The following ACACB variants were observed in gnomAD, a reference collection of about 807,000 sequenced individuals.
The protein encoded by ACACB is acetyl-CoA carboxylase beta, also known as acetyl-CoA carboxylase 2.
Under a neutral mutation model 278.8 loss-of-function variants are expected in ACACB, and 209 were observed. That is an observed-to-expected ratio of 0.75 (90% CI 0.67 to 0.84). The LOEUF (loss-of-function observed/expected upper bound fraction) is 0.84, where lower values mean the gene tolerates loss of function less well. ACACB is among the 40% of genes least tolerant of loss of function. The pLI is 0.00. For synonymous variants in ACACB, 1,174 were observed against 1,285.6 expected (o/e 0.91, Z 1.86); for missense variants, 2,850 against 3,269.0 (o/e 0.87, Z 3.13).
At chr12:109,254,070 A>G (rs2047162894) in intron 43 of ACACB, 144 bp from the exon 44 acceptor site, 3 of 953,474 alleles carry the variant, frequency 3.1e-6, no homozygotes, top group South Asian at 1.5e-5. Flanking sequence ...GCATTTTCCA[A>G]TCAGAGCAGT....
intron 19 of ACACB, 69 bp from the exon 20 acceptor site, chr12:109,206,641 C>T (rs1173177985): frequency 5.7e-6 from 9 of 1,575,666 alleles, no homozygotes; most frequent in Middle Eastern, 2.2e-4. Context: ...TCCTGCCTCC[C>T]GTTCTGCCCG....
chr12:109,152,728 T>C (rs1436402364), intron 2 of ACACB, among the ~76,000 whole-genome samples: 1 of 134,378 alleles, frequency 7.4e-6, no homozygotes, highest in Non-Finnish European at 1.6e-5. Flanking sequence ...CACTGCAGCC[T>C]CAGCTACCTG....
rs1483480877 is a variant in ACACB, at chr12:109,172,011, A to G, written c.1035+97A>G. 4 of 1,007,632 alleles carry G rather than the reference A, an allele frequency of 4.0e-6. No homozygotes were observed. In the East Asian group the frequency reaches 1.0e-4, roughly 25 times the overall value. 62.4% of individuals were successfully genotyped at this position (1,007,632 alleles called of 1,614,324 possible). A position where few individuals can be genotyped will look rare whatever the true frequency, so the allele number is the denominator to read the frequency against. Reference sequence around the variant, plus strand: ...ACAGTTCACAAGGGGTGGAGGGTCCAGATCCCACAAGGCTCCAAATTCCTG... The same window carrying G: ...ACAGTTCACAAGGGGTGGAGGGTCCGGATCCCACAAGGCTCCAAATTCCTG... On this transcript the variant is annotated intron_variant, in intron 5 of 52. Coordinates refer to ENST00000338432, the MANE Select transcript of ACACB (RefSeq NM_001093.4).
rs762602617 is a variant in ACACB, at chr12:109,235,297, T to C, written c.4348-16T>C. 5.0e-6 allele frequency: 8 copies of C among 1,612,292 alleles called. No homozygotes were observed. The East Asian group carries it at 8.9e-5, about 18-fold the overall frequency. On this transcript the variant is annotated splice_polypyrimidine_tract_variant and intron_variant, in intron 31 of 52. Transcript: ENST00000338432. ...GGCCAAATAATATTCCATTGTGTCT[T>C]TGGTTTTTAATGCAGAAAAATATCC...
chr12:109,197,811 G>A (rs2136315108), intron 17 of ACACB, among the ~76,000 whole-genome samples: 1 of 152,314 alleles, frequency 6.6e-6, no homozygotes, highest in East Asian at 1.9e-4. Flanking sequence ...AAAAGCTCCA[G>A]TTAGAGAGTG....
chr12:109,152,756 C>T (rs781369845), intron 2 of ACACB, among the ~76,000 whole-genome samples: 1 of 150,366 alleles, frequency 6.7e-6, no homozygotes, highest in Non-Finnish European at 1.5e-5. Context: ...GTAATCTTCC[C>T]GCCTCAGCCT....
At chr12:109,183,069 C>T (rs980676543) in intron 11 of ACACB, among the ~76,000 whole-genome samples, 3 of 152,178 alleles carry the variant, frequency 2.0e-5, no homozygotes, top group Non-Finnish European at 4.4e-5. Flanking sequence ...CTTCGCAAGT[C>T]TGTCAAAAAT....
At position 109,266,647 on chromosome 12, in the gene ACACB, C is replaced by T. The variant is rs1370566683; in HGVS notation, c.*285C>T. The T allele has an allele frequency of 8.8e-6, 2 of 228,328 alleles. No individual in the cohort carries two copies. The highest frequency in any genetic ancestry group is 4.5e-5 in the African/African-American group (2 of 44,164). The allele number at this position is 228,328 out of a possible 1,614,324, so 14.1% of individuals were successfully genotyped here. ...CTAAATCTAATCAAGCTAAAACATC[C>T]CTGTTTCCTTTTGCAAAACAGTGCC... is the stretch of plus-strand genomic sequence containing the variant. On this transcript the variant is annotated 3_prime_UTR_variant, in exon 53 of 53. Coordinates refer to ENST00000338432, the MANE Select transcript of ACACB (RefSeq NM_001093.4).
intron 34 of ACACB, 26 bp from the exon 35 acceptor site, chr12:109,239,804 C>T (rs982309747): frequency 6.3e-7 from 1 of 1,591,052 alleles, no homozygotes; most frequent in Non-Finnish European, 8.6e-7. Flanking sequence ...CTGGCCTGAG[C>T]AGCTGCCCCT....
At chr12:109,265,327 G>A in intron 51 of ACACB, 47 bp downstream of exon 51, 2 of 1,610,644 alleles carry the variant, frequency 1.2e-6, no homozygotes, top group African/African-American at 1.3e-5. Flanking sequence ...GGGGTGCTGG[G>A]GGCTGAGACA....
intron 1 of ACACB, among the ~76,000 whole-genome samples, chr12:109,131,094 T>G (rs931126712): frequency 2.6e-5 from 4 of 152,180 alleles, no homozygotes; most frequent in Non-Finnish European, 4.4e-5. Context: ...TGTGGCAAGC[T>G]GGAGGGAGGT....
intron 2 of ACACB, among the ~76,000 whole-genome samples, chr12:109,155,147 G>T (rs1208722419): frequency 6.6e-6 from 1 of 152,176 alleles, no homozygotes; most frequent in East Asian, 1.9e-4. Context: ...GAGGAAGGAG[G>T]CTGGACGTTG....
chr12:109,239,285 A>G (rs1010964195), intron 34 of ACACB, among the ~76,000 whole-genome samples: 1 of 152,186 alleles, frequency 6.6e-6, no homozygotes, highest in East Asian at 1.9e-4. Context: ...ACTGCCATCA[A>G]AAAGACAGTT....
At chr12:109,218,924 G>A (rs543557868) in intron 24 of ACACB, among the ~76,000 whole-genome samples, 2 of 151,970 alleles carry the variant, frequency 1.3e-5, no homozygotes, top group African/African-American at 2.4e-5. Context: ...GCGCCACCAC[G>A]CCCGGCTAAT....
chr12:109,153,386 A>AG (rs1306331581), intron 2 of ACACB, among the ~76,000 whole-genome samples: 1 of 152,238 alleles, frequency 6.6e-6, no homozygotes, highest in African/African-American at 2.4e-5. Context: ...GTAGGGACCA[A>AG]GGGAATATCT....
At position 109,201,559 on chromosome 12, in the gene ACACB, C is replaced by A; in HGVS notation, c.2779-8C>A. On this transcript the variant is annotated splice_region_variant and splice_polypyrimidine_tract_variant and intron_variant, in intron 18 of 52. Transcript: ENST00000338432. ...GGCTCTGTACTATTTCTTCTTTTTA[C>A]GAAATAGGTGATGAAGATGATCATG... 6.2e-7 allele frequency: 1 copy of A among 1,613,796 alleles called. No homozygotes were observed. Among genetic ancestry groups the A allele is most frequent in the Non-Finnish European group, 8.5e-7 (1 of 1,179,870 alleles).
rs151016741 is a variant in ACACB at position 109,136,631 on chromosome 12, T to A, written c.-9-2766T>A. On this transcript the variant is annotated intron_variant, in intron 1 of 52. Transcript: ENST00000338432. ...AATGGAATTGTTTTCTTAATTTCTT[T>A]TTCAGATTATTTACCACTGGTGTAT... Among the ~76,000 whole-genome samples, 194 of 152,364 alleles carry A rather than the reference T, an allele frequency of 1.3e-3. 4 individuals are homozygous for A. The East Asian group carries it at 0.031, about 24-fold the overall frequency.
In ACACB at chr12:109,227,390, A is replaced by G. The variant is rs1474789751; in HGVS notation, c.3902A>G (p.Tyr1301Cys). The change falls in exon 28 of 53, where the codon TAC becomes TGC. Residue 1301 changes from tyrosine to cysteine, a missense_variant. Transcript: ENST00000338432. ...TGTCAGGTTTACGTGCGGAGGGGCT[A>G]CATCGCCTATGAGTTAAACAGCCTG... ...ASLEVYVRRGYIAYELNSLQH... is the reference protein window; with the variant it reads ...ASLEVYVRRGCIAYELNSLQH... 1 of 1,612,782 alleles carries G rather than the reference A, an allele frequency of 6.2e-7. No homozygotes were observed. The highest frequency in any genetic ancestry group is 8.5e-7 in the Non-Finnish European group (1 of 1,179,454).
chr12:109,210,541 G>GCATGTATATATACATATATACA (rs2045806991), intron 21 of ACACB, among the ~76,000 whole-genome samples: 1 of 145,080 alleles, frequency 6.9e-6, no homozygotes, highest in African/African-American at 2.5e-5. Context: ...GTATATATAC[G>GCATGTATATATACATATATACA]TGCATGTATA....
Sources: gnomAD v4.1 joint callset for allele counts (sites outside exome capture counted in the v4.1 genomes callset) on GRCh38, gnomAD v4.1.1 for gene constraint, MANE v1.5 for transcripts, NCBI Gene and HGNC (gene_info 2026-07-23, HGNC 2026-07-21) for gene names.